Variants in B4GALT6 observed in about 807,000 individuals in gnomAD.
The protein encoded by B4GALT6 is UDP-Gal:beta-GlcNAc beta-1,4-galactosyltransferase 6.
A neutral mutation model predicts 46.3 loss-of-function variants in B4GALT6; 14 were observed. That is an observed-to-expected ratio of 0.30 (90% CI 0.20 to 0.47). The LOEUF (loss-of-function observed/expected upper bound fraction) is 0.47. Ranked by LOEUF, B4GALT6 falls within the 20% of genes least tolerant of loss-of-function variation. The pLI, the probability that B4GALT6 is intolerant of heterozygous loss-of-function variation, is 0.99. For synonymous variants in B4GALT6, 168 were observed against 162.0 expected, an observed-to-expected ratio of 1.04 and a Z score of -0.28; for missense variants, 386 against 480.1, an observed-to-expected ratio of 0.80 and a Z score of 1.83.
intron 5 of B4GALT6, among the ~76,000 whole-genome samples, chr18:31,631,594 G>C (rs2073792446): frequency 6.6e-6 from 1 of 151,712 alleles, no homozygotes; most frequent in Non-Finnish European, 1.5e-5. Context: ...AATACATCAG[G>C]ATATAGATTA....
intron 1 of B4GALT6, among the ~76,000 whole-genome samples, chr18:31,672,177 C>A (rs574591772): frequency 6.6e-6 from 1 of 152,328 alleles, no homozygotes; most frequent in Non-Finnish European, 1.5e-5. Flanking sequence ...ACCAACGCAG[C>A]ATCCCTGTGA....
intron 4 of B4GALT6, among the ~76,000 whole-genome samples, chr18:31,641,152 T>A (rs1048276679): frequency 6.6e-6 from 1 of 152,236 alleles, no homozygotes; most frequent in Non-Finnish European, 1.5e-5. Flanking sequence ...AGACAGTGCA[T>A]ATTAATTAAA....
At chr18:31,714,554 C>A in the B4GALT6 span, among the ~76,000 whole-genome samples, 1 of 152,214 alleles carries the variant, frequency 6.6e-6, no homozygotes, top group Non-Finnish European at 1.5e-5. Context: ...GACTTACAGT[C>A]AGGCCACCAC....
chr18:31,637,771 G>C (rs1036012759), intron 5 of B4GALT6, among the ~76,000 whole-genome samples: 1 of 152,170 alleles, frequency 6.6e-6, no homozygotes, highest in Non-Finnish European at 1.5e-5. Flanking sequence ...GTCATAAACT[G>C]AAATGTTTTT....
chr18:31,684,053 CT>C (rs1358253235), intron 1 of B4GALT6, among the ~76,000 whole-genome samples: 1 of 152,206 alleles, frequency 6.6e-6, no homozygotes, highest in African/African-American at 2.4e-5. Context: ...GGCCATCACA[CT>C]AATTTTGCTA....
chr18:31,687,723 C>T (rs2029974851), upstream of B4GALT6, among the ~76,000 whole-genome samples: 1 of 152,162 alleles, frequency 6.6e-6, no homozygotes, highest in Non-Finnish European at 1.5e-5. Flanking sequence ...TTATTATTTT[C>T]TGTCCACTAG....
At chr18:31,626,134 T>C (rs2073693226) in intron 8 of B4GALT6, 149 bp downstream of exon 8, 1 of 527,492 alleles carries the variant, frequency 1.9e-6, no homozygotes, top group Admixed American at 3.5e-5. Context: ...TGCTTCCTTT[T>C]GTAAAGATTC....
At chr18:31,645,525 A>G (rs1215946908) in intron 3 of B4GALT6, 46 bp from the exon 4 acceptor site, 4 of 1,580,744 alleles carry the variant, frequency 2.5e-6, no homozygotes, top group Non-Finnish European at 3.4e-6. Context: ...TTTTTGCCTC[A>G]AAGATCTAGT....
intron 6 of B4GALT6, among the ~76,000 whole-genome samples, chr18:31,628,049 A>C (rs1201983221): frequency 6.6e-6 from 1 of 152,194 alleles, no homozygotes; most frequent in African/African-American, 2.4e-5. Context: ...TCACATTCTG[A>C]GAAGGACGTG....
the B4GALT6 span, chr18:31,724,554 G>C: frequency 9.7e-7 from 1 of 1,032,272 alleles, no homozygotes; most frequent in Non-Finnish European, 1.2e-6. Flanking sequence ...TGAGACTTTG[G>C]CTCAGAGTTT....
chr18:31,721,166 A>T, the B4GALT6 span, among the ~76,000 whole-genome samples: 1 of 125,354 alleles, frequency 8.0e-6, no homozygotes, highest in Non-Finnish European at 1.6e-5. Flanking sequence ...GTAACAGCGT[A>T]TGTCCACCGG....
chr18:31,667,284 G>C (rs547388329), intron 1 of B4GALT6, among the ~76,000 whole-genome samples: 2 of 152,182 alleles, frequency 1.3e-5, no homozygotes, highest in Admixed American at 1.3e-4. Flanking sequence ...TAAACACAAA[G>C]CTAAAAAATC....
intron 7 of B4GALT6, 115 bp downstream of exon 7, chr18:31,626,884 C>A: frequency 5.8e-6 from 5 of 869,148 alleles, no homozygotes; most frequent in Non-Finnish European, 6.8e-6. Context: ...GTTTAGAAAC[C>A]TCAAACATAT....
At chr18:31,661,784 G>A (rs1037701350) in intron 2 of B4GALT6, among the ~76,000 whole-genome samples, 1 of 152,132 alleles carries the variant, frequency 6.6e-6, no homozygotes, top group Non-Finnish European at 1.5e-5. Context: ...TTTGTCCCTG[G>A]GGGTCATCTG....
chr18:31,668,394 T>C (rs558145340), intron 1 of B4GALT6, among the ~76,000 whole-genome samples: 1 of 152,280 alleles, frequency 6.6e-6, no homozygotes, highest in East Asian at 1.9e-4. Flanking sequence ...TCAATCATAC[T>C]CCAAACCTCT....
intron 1 of B4GALT6, among the ~76,000 whole-genome samples, chr18:31,679,952 C>G (rs1392129462): frequency 6.6e-6 from 1 of 152,164 alleles, no homozygotes; most frequent in Non-Finnish European, 1.5e-5. Context: ...GCCATTGCCC[C>G]CTATAACCCA....
the B4GALT6 span, among the ~76,000 whole-genome samples, chr18:31,720,704 C>A: frequency 3.9e-5 from 6 of 152,206 alleles, no homozygotes; most frequent in African/African-American, 1.4e-4. Context: ...ACGTGTGTCA[C>A]CCTGCTCACC....
chr18:31,702,334 C>T, the B4GALT6 span, among the ~76,000 whole-genome samples: 3 of 152,164 alleles, frequency 2.0e-5, no homozygotes, highest in Non-Finnish European at 4.4e-5. Context: ...GCACAGGGAT[C>T]TATGTTTGCA....
the B4GALT6 span, among the ~76,000 whole-genome samples, chr18:31,696,107 C>T: frequency 6.6e-6 from 1 of 152,224 alleles, no homozygotes; most frequent in Non-Finnish European, 1.5e-5. Context: ...TTCACAAAAG[C>T]TGATGCAAAG....
Sources: gnomAD v4.1 joint callset for allele counts (sites outside exome capture counted in the v4.1 genomes callset) on GRCh38, gnomAD v4.1.1 for gene constraint, MANE v1.5 for transcripts, NCBI Gene and HGNC (gene_info 2026-07-23, HGNC 2026-07-21) for gene names.